Variants in CDH18 observed in about 807,000 individuals in gnomAD.
CDH18 encodes the protein cadherin-18.
In CDH18, 31 loss-of-function variants were observed where a neutral mutation model predicts 67.9. The ratio of observed to expected loss-of-function variants is 0.46; its 90% CI spans 0.34 to 0.62. CDH18 has a LOEUF of 0.62. CDH18 is among the 20% of genes least tolerant of loss of function. CDH18 has a pLI of 0.01. For synonymous variants in CDH18, 362 were observed against 347.2 expected (o/e 1.04, Z -0.48); for missense variants, 890 against 975.5 (o/e 0.91, Z 1.17).
intron 5 of CDH18, among the ~76,000 whole-genome samples, chr5:19,663,229 AT>A (rs777647432): frequency 2.0e-5 from 3 of 151,962 alleles, no homozygotes; most frequent in African/African-American, 4.8e-5. Flanking sequence ...AAATGCTTTA[AT>A]GAGAAAAAAA....
At chr5:20,517,071 A>C (rs1378415444) in intron 1 of CDH18, among the ~76,000 whole-genome samples, 1 of 151,932 alleles carries the variant, frequency 6.6e-6, no homozygotes, top group Non-Finnish European at 1.5e-5. Context: ...TAGCTATAGA[A>C]ATAAATTCTA....
At chr5:20,382,779 C>G (rs1744017705) in intron 1 of CDH18, among the ~76,000 whole-genome samples, 1 of 152,116 alleles carries the variant, frequency 6.6e-6, no homozygotes, top group African/African-American at 2.4e-5. Flanking sequence ...AAATCCAACA[C>G]CAGTTATGTG....
At chr5:20,080,031 C>G (rs1435655462) in intron 2 of CDH18, among the ~76,000 whole-genome samples, 2 of 152,128 alleles carry the variant, frequency 1.3e-5, no homozygotes, top group Non-Finnish European at 2.9e-5. Flanking sequence ...AATAACATCA[C>G]ATTGGCAATT....
At chr5:20,539,748 A>G (rs1756944632) in intron 1 of CDH18, among the ~76,000 whole-genome samples, 2 of 128,444 alleles carry the variant, frequency 1.6e-5, no homozygotes, top group African/African-American at 5.4e-5. Flanking sequence ...ACACACACAC[A>G]CACACACAAA....
At chr5:20,525,864 C>T (rs1756020004) in intron 1 of CDH18, among the ~76,000 whole-genome samples, 2 of 152,096 alleles carry the variant, frequency 1.3e-5, no homozygotes, top group South Asian at 2.1e-4. Context: ...TTCACTCATC[C>T]ACTCATCTTT....
At chr5:20,427,404 C>G (rs1748385264) in intron 1 of CDH18, among the ~76,000 whole-genome samples, 1 of 150,970 alleles carries the variant, frequency 6.6e-6, no homozygotes. Flanking sequence ...TTATTTTACT[C>G]AAAATAATTT....
At chr5:19,661,253 TAA>T (rs1201795323) in intron 5 of CDH18, among the ~76,000 whole-genome samples, 1 of 152,000 alleles carries the variant, frequency 6.6e-6, no homozygotes, top group Non-Finnish European at 1.5e-5. Flanking sequence ...CCAATTATTT[TAA>T]GTTTATAATA....
chr5:19,950,344 G>A (rs1269194022), intron 2 of CDH18, among the ~76,000 whole-genome samples: 1 of 152,030 alleles, frequency 6.6e-6, no homozygotes, highest in Non-Finnish European at 1.5e-5. Context: ...GCATAAGAAT[G>A]ATATAATGGA....
At chr5:20,011,877 A>G (rs1737468421) in intron 2 of CDH18, among the ~76,000 whole-genome samples, 1 of 152,082 alleles carries the variant, frequency 6.6e-6, no homozygotes, top group African/African-American at 2.4e-5. Flanking sequence ...ATGTTCATCA[A>G]GGATATTGGC....
chr5:19,638,802 C>A (rs1420208319), intron 5 of CDH18, among the ~76,000 whole-genome samples: 3 of 151,824 alleles, frequency 2.0e-5, no homozygotes, highest in African/African-American at 7.3e-5. Context: ...TTCCATTTTG[C>A]CCGCATCATC....
chr5:19,890,577 C>T (rs1164914589), intron 2 of CDH18, among the ~76,000 whole-genome samples: 1 of 148,482 alleles, frequency 6.7e-6, no homozygotes, highest in Admixed American at 7.0e-5. Flanking sequence ...AAACTCAGAA[C>T]AGCATTAGCC....
At chr5:20,557,552 G>A (rs1375075617) in intron 1 of CDH18, among the ~76,000 whole-genome samples, 2 of 151,944 alleles carry the variant, frequency 1.3e-5, no homozygotes, top group Non-Finnish European at 2.9e-5. Context: ...ATAGGGAATG[G>A]CTACATCCCT....
intron 4 of CDH18, among the ~76,000 whole-genome samples, chr5:19,739,398 G>A (rs1768803763): frequency 6.6e-6 from 1 of 152,148 alleles, no homozygotes; most frequent in South Asian, 2.1e-4. Flanking sequence ...AAGCCACCCA[G>A]CTAAGACCCC....
chr5:19,967,941 C>G (rs528957424), intron 2 of CDH18, among the ~76,000 whole-genome samples: 1 of 151,796 alleles, frequency 6.6e-6, no homozygotes, highest in Non-Finnish European at 1.5e-5. Context: ...TCTAGAAAAC[C>G]CCATTGTCTC....
chr5:20,485,564 A>T (rs909353492), intron 1 of CDH18, among the ~76,000 whole-genome samples: 5 of 152,142 alleles, frequency 3.3e-5, no homozygotes, highest in African/African-American at 1.2e-4. Context: ...AAGTTCATCT[A>T]ATAAATTTCC....
At chr5:20,286,401 T>G (rs888324418) in intron 1 of CDH18, among the ~76,000 whole-genome samples, 1 of 151,642 alleles carries the variant, frequency 6.6e-6, no homozygotes, top group Non-Finnish European at 1.5e-5. Context: ...TTGAAAATAC[T>G]GATTTCTATT....
chr5:20,558,040 A>AT (rs1561129148), intron 1 of CDH18, among the ~76,000 whole-genome samples: 3 of 147,888 alleles, frequency 2.0e-5, no homozygotes, highest in African/African-American at 5.2e-5. Context: ...GTTATATAAC[A>AT]TTAATTGTTA....
At chr5:19,604,009 T>C (rs1033530318) in intron 6 of CDH18, among the ~76,000 whole-genome samples, 1 of 151,880 alleles carries the variant, frequency 6.6e-6, no homozygotes, top group African/African-American at 2.4e-5. Flanking sequence ...TGCACCATAG[T>C]TTTGTATGCC....
intron 2 of CDH18, among the ~76,000 whole-genome samples, chr5:20,229,799 C>T (rs551153779): frequency 1.3e-5 from 2 of 151,766 alleles, no homozygotes; most frequent in South Asian, 4.2e-4. Flanking sequence ...GGCAAAGAGC[C>T]CAGATTGGGA....
Sources: allele counts gnomAD v4.1 joint callset (sites outside exome capture counted in the v4.1 genomes callset), GRCh38; gene constraint gnomAD v4.1.1; transcripts MANE v1.5; gene names NCBI Gene and HGNC (gene_info 2026-07-23, HGNC 2026-07-21).